CSMD1: variants seen among roughly 807,000 people sequenced by gnomAD.
CSMD1 encodes CUB and sushi domain-containing protein 1.
Under a neutral mutation model 417.5 loss-of-function variants are expected in CSMD1, and 213 were observed. The ratio of observed to expected loss-of-function variants is 0.51; its 90% CI spans 0.46 to 0.57. The LOEUF (loss-of-function observed/expected upper bound fraction) is 0.57. Among genes scored for constraint, CSMD1 ranks in the 20% least tolerant of loss-of-function variants. CSMD1 has a pLI of 0.00. For missense variants in CSMD1, 6,923 were observed against 4,529.7 expected (o/e 1.53, Z -15.17); for synonymous variants, 2,862 against 1,736.8 (o/e 1.65, Z -16.11).
At chr8:3,294,808 C>A (rs1253982578) in intron 25 of CSMD1, among the ~76,000 whole-genome samples, 1 of 152,108 alleles carries the variant, frequency 6.6e-6, no homozygotes, top group East Asian at 1.9e-4. Context: ...TTGGCTCCCG[C>A]TTGGTGGGCT....
intron 46 of CSMD1, among the ~76,000 whole-genome samples, chr8:3,104,020 G>A (rs1404988415): frequency 1.3e-5 from 2 of 152,258 alleles, no homozygotes; most frequent in South Asian, 2.1e-4. Context: ...TGGGATTACA[G>A]GCATGAGCCA....
Position 4,541,078 on chromosome 8 carries a change from G to A in CSMD1, c.302+96264C>T, listed in dbSNP as rs865793790. ...TTAGAAACTCTAAGGACATTTTTGT[G>A]TTTCCCCAAAATGCTATTGTCTGGA... On this transcript the variant is annotated intron_variant, in intron 2 of 69. Coordinates refer to ENST00000635120, the MANE Select transcript of CSMD1 (RefSeq NM_033225.6). Among the ~76,000 whole-genome samples, 7 of 152,248 alleles carry A rather than the reference G, an allele frequency of 4.6e-5. No homozygotes were observed. In the Middle Eastern group the frequency reaches 0.017, roughly 370 times the overall value.
chr8:2,947,282 A>G (rs1030455411), intron 68 of CSMD1, among the ~76,000 whole-genome samples: 3 of 152,196 alleles, frequency 2.0e-5, no homozygotes, highest in African/African-American at 7.2e-5. Context: ...TTTAGTATCC[A>G]CTTAATGACA....
At chr8:2,962,784 C>G (rs922701292) in intron 60 of CSMD1, 145 bp from the exon 61 acceptor site, 6 of 839,810 alleles carry the variant, frequency 7.1e-6, no homozygotes, top group Non-Finnish European at 1.1e-5. Context: ...CACGGTGGCT[C>G]ACGCCTGTAA....
At chr8:3,442,554 G>A (rs1002008354) in intron 12 of CSMD1, among the ~76,000 whole-genome samples, 1 of 152,150 alleles carries the variant, frequency 6.6e-6, no homozygotes, top group Non-Finnish European at 1.5e-5. Context: ...ATGCTGTACA[G>A]GTTTGGAGCC....
At chr8:4,792,262 C>A (rs1271790065) in intron 1 of CSMD1, among the ~76,000 whole-genome samples, 3 of 152,102 alleles carry the variant, frequency 2.0e-5, no homozygotes, top group Non-Finnish European at 4.4e-5. Context: ...ATAAAACAAG[C>A]AAACACATCC....
chr8:3,260,739 A>G (rs1800999719), intron 26 of CSMD1, among the ~76,000 whole-genome samples: 1 of 152,182 alleles, frequency 6.6e-6, no homozygotes, highest in African/African-American at 2.4e-5. Context: ...GAGTTAGGCA[A>G]GGGGCTCTTC....
chr8:3,900,206 CAGTGGAGCTG>C (rs1807640461), intron 5 of CSMD1, among the ~76,000 whole-genome samples: 1 of 151,712 alleles, frequency 6.6e-6, no homozygotes. Context: ...AGCTGGGTGA[CAGTGGAGCTG>C]GGTGACAGTG....
intron 3 of CSMD1, among the ~76,000 whole-genome samples, chr8:4,077,124 T>G (rs1224308129): frequency 1.3e-5 from 2 of 151,690 alleles, no homozygotes; most frequent in Non-Finnish European, 2.9e-5. Context: ...GTGATGAGTA[T>G]GATGAAGTCA....
intron 2 of CSMD1, among the ~76,000 whole-genome samples, chr8:4,420,636 A>C (rs1358383932): frequency 6.6e-6 from 1 of 152,154 alleles, no homozygotes. Flanking sequence ...GTTGGTCGTG[A>C]AACAATCTGT....
rs193192881 is a variant in CSMD1 at position 4,000,021 on chromosome 8, G to A, written c.611-1911C>T. On this transcript the variant is annotated intron_variant, in intron 4 of 69. Coordinates refer to ENST00000635120, the MANE Select transcript of CSMD1 (RefSeq NM_033225.6). ...CTTTTAAAAGTGTAAAACCAAACACGAATAAAAATAACTGTGTGTATACTA... is the reference window on the plus strand; with the variant it reads ...CTTTTAAAAGTGTAAAACCAAACACAAATAAAAATAACTGTGTGTATACTA... 3.8e-3 allele frequency among the ~76,000 whole-genome samples: 576 copies of A among 152,314 alleles called. 2 individuals carry two copies. The highest frequency in any genetic ancestry group is 8.8e-3 in the Admixed American group (134 of 15,296).
chr8:3,626,556 T>A (rs1208323056), intron 7 of CSMD1, among the ~76,000 whole-genome samples: 2 of 151,690 alleles, frequency 1.3e-5, no homozygotes, highest in African/African-American at 2.4e-5. Flanking sequence ...AATAATTAAA[T>A]CTTCAAGTTT....
chr8:3,489,962 G>T (rs1330405536), intron 11 of CSMD1, among the ~76,000 whole-genome samples: 3 of 152,182 alleles, frequency 2.0e-5, no homozygotes, highest in Non-Finnish European at 4.4e-5. Context: ...ATACTGACTA[G>T]TATTTAAACT....
intron 2 of CSMD1, among the ~76,000 whole-genome samples, chr8:4,523,932 T>C (rs192976653): frequency 8.3e-4 from 127 of 152,236 alleles, no homozygotes; most frequent in Middle Eastern, 3.4e-3. Context: ...TGCTCCTCAA[T>C]GCTCTGTGAA....
intron 7 of CSMD1, among the ~76,000 whole-genome samples, chr8:3,703,585 G>A (rs4875775): frequency 0.49 from 74,964 of 151,754 alleles, 18,616 homozygotes; most frequent in Admixed American, 0.58. Context: ...ACTTTCAAGG[G>A]GCTCATCTTG....
At chr8:3,486,133 T>C (rs1166097471) in intron 11 of CSMD1, among the ~76,000 whole-genome samples, 3 of 152,246 alleles carry the variant, frequency 2.0e-5, no homozygotes, top group African/African-American at 4.8e-5. Context: ...TCCTTGTTTC[T>C]TTCTGTTATA....
chr8:3,676,514 G>C (rs530042996), intron 7 of CSMD1, among the ~76,000 whole-genome samples: 1 of 152,126 alleles, frequency 6.6e-6, no homozygotes, highest in Admixed American at 6.6e-5. Flanking sequence ...TTATATCTCA[G>C]AAGCATATAG....
At chr8:4,384,620 A>AT (rs35436664) in intron 3 of CSMD1, among the ~76,000 whole-genome samples, 9,784 of 151,756 alleles carry the variant, frequency 0.064, 369 homozygotes, top group Middle Eastern at 0.12. Flanking sequence ...AAAATAGAAG[A>AT]TTTTTTTTTG....
intron 24 of CSMD1, among the ~76,000 whole-genome samples, chr8:3,308,082 CTAA>C (rs1346872888): frequency 3.7e-5 from 4 of 109,400 alleles, no homozygotes; most frequent in East Asian, 2.2e-4. Context: ...TGTGATAATT[CTAA>C]TAATAACACT....
Sources: allele counts gnomAD v4.1 joint callset (sites outside exome capture counted in the v4.1 genomes callset), GRCh38; gene constraint gnomAD v4.1.1; transcripts MANE v1.5; gene names NCBI Gene and HGNC (gene_info 2026-07-23, HGNC 2026-07-21).